KCNN2: variants seen among roughly 807,000 people sequenced by gnomAD.
The protein encoded by KCNN2 is small conductance calcium-activated potassium channel protein 2.
In KCNN2, 24 loss-of-function variants were observed where a neutral mutation model predicts 55.5. The ratio of observed to expected loss-of-function variants is 0.43; its 90% CI spans 0.31 to 0.61. The LOEUF (loss-of-function observed/expected upper bound fraction) is 0.61. KCNN2 is among the 20% of genes least tolerant of loss of function. KCNN2 has a pLI of 0.08. For synonymous variants in KCNN2, 431 were observed against 336.1 expected (o/e 1.28, Z -3.09); for missense variants, 754 against 853.6 (o/e 0.88, Z 1.45).
At chr5:114,081,411 A>G (rs536519515) in intron 1 of KCNN2, among the ~76,000 whole-genome samples, 1 of 152,218 alleles carries the variant, frequency 6.6e-6, no homozygotes, top group South Asian at 2.1e-4. Context: ...GTAGTAATCA[A>G]AACAGTGTAG....
At chr5:114,300,204 C>G (rs62382907) in intron 2 of KCNN2, among the ~76,000 whole-genome samples, 20,023 of 152,100 alleles carry the variant, frequency 0.13, 1,814 homozygotes, top group Non-Finnish European at 0.18. Flanking sequence ...GAAAATTCCC[C>G]AAATTCTCAC....
intron 1 of KCNN2, among the ~76,000 whole-genome samples, chr5:114,146,843 T>TA (rs1034427137): frequency 6.6e-6 from 1 of 152,192 alleles, no homozygotes; most frequent in African/African-American, 2.4e-5. Flanking sequence ...TACCACTGGA[T>TA]AAAGGTCCAG....
chr5:114,482,081 A>G (rs1226462645), intron 5 of KCNN2, among the ~76,000 whole-genome samples: 1 of 152,228 alleles, frequency 6.6e-6, no homozygotes, highest in Admixed American at 6.5e-5. Context: ...AACTATTGAC[A>G]AAGTGAACAG....
At chr5:114,433,335 T>G (rs1051162082) in intron 3 of KCNN2, among the ~76,000 whole-genome samples, 3 of 152,172 alleles carry the variant, frequency 2.0e-5, no homozygotes, top group Admixed American at 6.5e-5. Context: ...AACCTTTGTG[T>G]GGACACTCTG....
chr5:114,056,947 T>C (rs761394773), intron 1 of KCNN2, among the ~76,000 whole-genome samples: 1 of 152,200 alleles, frequency 6.6e-6, no homozygotes, highest in Non-Finnish European at 1.5e-5. Flanking sequence ...ATAGGGTATA[T>C]GGATTGATGG....
chr5:114,152,887 C>T (rs543379180), intron 1 of KCNN2, among the ~76,000 whole-genome samples: 10 of 151,996 alleles, frequency 6.6e-5, no homozygotes, highest in Middle Eastern at 3.4e-3. Flanking sequence ...GTACAGAGAG[C>T]GCTGAAAGGG....
At chr5:114,312,430 CACACATATATATATAT>C (rs1312150075) in intron 2 of KCNN2, among the ~76,000 whole-genome samples, 27 of 21,752 alleles carry the variant, frequency 1.2e-3, no homozygotes, top group African/African-American at 3.2e-3. Flanking sequence ...CACACACACA[CACACATATATATATAT>C]ATATATATAT....
chr5:114,283,716 T>C lies in KCNN2; in HGVS notation c.-185+62151T>C, dbSNP rs567796911. On this transcript the variant is annotated intron_variant, in intron 2 of 10. Coordinates refer to the KCNN2 transcript ENST00000512097. ...AGCTTGAATGACAGGTTAGATCATT[T>C]GAAAAAGAAATTTTATTTTTTGTAT... 9.8e-5 allele frequency among the ~76,000 whole-genome samples: 15 copies of C among 152,344 alleles called. No homozygotes were observed. In the South Asian group the frequency reaches 3.1e-3, roughly 32 times the overall value.
At chr5:114,205,782 C>G (rs1274655236) in intron 1 of KCNN2, among the ~76,000 whole-genome samples, 1 of 152,154 alleles carries the variant, frequency 6.6e-6, no homozygotes, top group Non-Finnish European at 1.5e-5. Context: ...ATTTTACTGA[C>G]TTAAAATGTT....
upstream of KCNN2, among the ~76,000 whole-genome samples, chr5:114,360,487 A>T (rs1458853108): frequency 6.6e-6 from 1 of 152,200 alleles, no homozygotes; most frequent in African/African-American, 2.4e-5. Flanking sequence ...CAGGCTTTAA[A>T]ATAATTTAAA....
intron 4 of KCNN2, among the ~76,000 whole-genome samples, chr5:114,470,250 C>T (rs1761658400): frequency 6.6e-6 from 1 of 152,098 alleles, no homozygotes; most frequent in Non-Finnish European, 1.5e-5. Context: ...GGCCACCTGC[C>T]AGGGGAGAAC....
At chr5:114,288,016 A>G (rs867634533) in intron 2 of KCNN2, among the ~76,000 whole-genome samples, 3 of 152,220 alleles carry the variant, frequency 2.0e-5, no homozygotes, top group South Asian at 2.1e-4. Context: ...ATTGTTCTTC[A>G]CTATCCTCTT....
chr5:114,425,301 C>G (rs1759585668), intron 3 of KCNN2, among the ~76,000 whole-genome samples: 1 of 152,200 alleles, frequency 6.6e-6, no homozygotes, highest in African/African-American at 2.4e-5. Flanking sequence ...GCTAATATAT[C>G]ATGCATGTCT....
chr5:114,318,486 T>G (rs564010352), intron 2 of KCNN2, among the ~76,000 whole-genome samples: 1 of 152,134 alleles, frequency 6.6e-6, no homozygotes, highest in East Asian at 1.9e-4. Context: ...TTGAAACTTC[T>G]GATAATGTAT....
At chr5:114,290,602 A>G (rs888425543) in intron 2 of KCNN2, among the ~76,000 whole-genome samples, 1 of 151,664 alleles carries the variant, frequency 6.6e-6, no homozygotes, top group Non-Finnish European at 1.5e-5. Context: ...TTTTATTATT[A>G]CTTTCTTCCT....
rs566655645 is a variant in KCNN2 at position 114,362,183 on chromosome 5, A to AGCC, written c.59_61dup (p.Pro20dup). On this transcript the variant is annotated inframe_insertion, in exon 1 of 8. Coordinates refer to ENST00000673685, the MANE Select transcript of KCNN2 (RefSeq NM_021614.4). ...TTCCAGCGCGGCTTCTTCCCAGAGC[A>AGCC]GCCGCCGCCGCCGCCGCGCTCCTCA... is the stretch of plus-strand genomic sequence containing the variant. 2.2e-4 allele frequency: 38 copies of AGCC among 172,948 alleles called. No individual in the cohort carries two copies. Among genetic ancestry groups the AGCC allele is most frequent in the African/African-American group, 2.2e-4 (9 of 41,756 alleles). 10.7% of individuals were successfully genotyped at this position (172,948 alleles called of 1,614,324 possible).
chr5:114,346,657 A>C (rs1757108232), intron 2 of KCNN2, among the ~76,000 whole-genome samples: 1 of 152,016 alleles, frequency 6.6e-6, no homozygotes, highest in African/African-American at 2.4e-5. Flanking sequence ...GTATGGGTTC[A>C]TATACATGGA....
At chr5:114,229,161 G>A (rs1351686330) in intron 2 of KCNN2, among the ~76,000 whole-genome samples, 1 of 151,704 alleles carries the variant, frequency 6.6e-6, no homozygotes, top group African/African-American at 2.4e-5. Flanking sequence ...TTTCCATTAT[G>A]TTACTCAGTG....
intron 5 of KCNN2, among the ~76,000 whole-genome samples, chr5:114,477,126 C>T (rs1287985542): frequency 2.7e-5 from 4 of 150,790 alleles, no homozygotes; most frequent in African/African-American, 9.7e-5. Flanking sequence ...ACAACTATTC[C>T]CTGAAACATT....
Sources: gnomAD v4.1 joint callset for allele counts (sites outside exome capture counted in the v4.1 genomes callset) on GRCh38, gnomAD v4.1.1 for gene constraint, MANE v1.5 for transcripts, NCBI Gene and HGNC (gene_info 2026-07-23, HGNC 2026-07-21) for gene names.